Variants in ARMC8 observed in about 807,000 individuals in gnomAD.
The protein encoded by ARMC8 is armadillo repeat-containing protein 8.
A neutral mutation model predicts 99.3 loss-of-function variants in ARMC8; 20 were observed. The observed-to-expected ratio is 0.20, with a 90% CI of 0.14 to 0.29. The LOEUF (loss-of-function observed/expected upper bound fraction) is 0.29, where lower values mean the gene tolerates loss of function less well. Ranked by LOEUF, ARMC8 falls within the 10% of genes least tolerant of loss-of-function variation. The pLI is 1.00. For missense variants in ARMC8, 569 were observed against 809.5 expected, an observed-to-expected ratio of 0.70 and a Z score of 3.60; for synonymous variants, 263 against 278.3, an observed-to-expected ratio of 0.95 and a Z score of 0.55.
intron 2 of ARMC8, among the ~76,000 whole-genome samples, chr3:138,216,271 T>C (rs1186939469): frequency 6.6e-6 from 1 of 152,200 alleles, no homozygotes; most frequent in Non-Finnish European, 1.5e-5. Context: ...AATTCTGTTT[T>C]TTCAGTTTAT....
At chr3:138,210,117 C>T (rs527498024) in intron 2 of ARMC8, among the ~76,000 whole-genome samples, 158 of 152,188 alleles carry the variant, frequency 1.0e-3, no homozygotes, top group Non-Finnish European at 1.7e-3. Flanking sequence ...TTGTAGAATA[C>T]TTGTTTCACA....
chr3:138,266,351 C>T (rs1184469087), intron 14 of ARMC8, among the ~76,000 whole-genome samples: 2 of 152,088 alleles, frequency 1.3e-5, no homozygotes, highest in African/African-American at 2.4e-5. Flanking sequence ...TGGAGTGTGC[C>T]AGCTCCCACC....
chr3:138,272,583 A>G (rs1379563876), intron 16 of ARMC8, among the ~76,000 whole-genome samples: 1 of 152,234 alleles, frequency 6.6e-6, no homozygotes, highest in African/African-American at 2.4e-5. Flanking sequence ...TACTTTGAAA[A>G]TTATCAGAGT....
intron 12 of ARMC8, among the ~76,000 whole-genome samples, chr3:138,257,862 C>T (rs1242162645): frequency 6.6e-6 from 1 of 152,100 alleles, no homozygotes; most frequent in Non-Finnish European, 1.5e-5. Context: ...TCCCTGACCT[C>T]CTTGTGCTGC....
At chr3:138,195,811 G>C (rs2043697131) in intron 1 of ARMC8, among the ~76,000 whole-genome samples, 3 of 150,804 alleles carry the variant, frequency 2.0e-5, no homozygotes, top group Non-Finnish European at 2.9e-5. Context: ...GCAAATAAGA[G>C]CAGTTTTACA....
intron 21 of ARMC8, among the ~76,000 whole-genome samples, 195 bp downstream of exon 21, chr3:138,290,834 T>C (rs1292101975): frequency 2.0e-5 from 3 of 152,254 alleles, no homozygotes; most frequent in Non-Finnish European, 4.4e-5. Flanking sequence ...TATTAAAGAC[T>C]CTCATCTTAT....
At chr3:138,278,053 C>G (rs2049479904) in intron 18 of ARMC8, among the ~76,000 whole-genome samples, 1 of 152,042 alleles carries the variant, frequency 6.6e-6, no homozygotes. Context: ...CTGTAAAAGA[C>G]AAAACAGTAG....
At chr3:138,198,279 G>A (rs1220279228) in intron 1 of ARMC8, among the ~76,000 whole-genome samples, 1 of 151,844 alleles carries the variant, frequency 6.6e-6, no homozygotes, top group Non-Finnish European at 1.5e-5. Context: ...TATGAAAAAA[G>A]AAACTCCCTC....
intron 19 of ARMC8, 55 bp from the exon 20 acceptor site, chr3:138,288,993 A>G (rs1368312873): frequency 2.8e-5 from 42 of 1,493,358 alleles, no homozygotes; most frequent in Non-Finnish European, 3.7e-5. Context: ...CCAAAAAAAA[A>G]TCTAAAATGA....
At chr3:138,285,881 A>T (rs1486641476) in intron 19 of ARMC8, among the ~76,000 whole-genome samples, 2 of 152,216 alleles carry the variant, frequency 1.3e-5, no homozygotes, top group African/African-American at 4.8e-5. Flanking sequence ...TCACTTAAAA[A>T]GTTTTCCTTA....
chr3:138,192,026 G>A (rs2043414401), intron 1 of ARMC8, among the ~76,000 whole-genome samples: 1 of 152,166 alleles, frequency 6.6e-6, no homozygotes, highest in Non-Finnish European at 1.5e-5. Context: ...TGCAATTGCA[G>A]GATCAGATGG....
At chr3:138,293,509 A>G (rs1423649320) in intron 21 of ARMC8, among the ~76,000 whole-genome samples, 1 of 152,140 alleles carries the variant, frequency 6.6e-6, no homozygotes, top group African/African-American at 2.4e-5. Context: ...AGTGCACTCC[A>G]GCCTAGGCAA....
rs367691989 is a variant in ARMC8, at chr3:138,284,574, T to A, written c.1821+48T>A. 1.5e-5 allele frequency: 20 copies of A among 1,358,510 alleles called. No individual in the cohort carries two copies. The African/African-American group carries it at 2.9e-4, about 20-fold the overall frequency. 84.2% of individuals were successfully genotyped at this position (1,358,510 alleles called of 1,614,324 possible). A position where few individuals can be genotyped will look rare whatever the true frequency, so the allele number is the denominator to read the frequency against. On this transcript the variant is annotated intron_variant, in intron 19 of 21. Coordinates refer to ENST00000469044, the MANE Select transcript of ARMC8 (RefSeq NM_001363941.2). The stretch of plus-strand genomic sequence containing the variant: ...CGTAGGATTAGAATGCAGGGACTGT[T>A]GCATTTTTAACTCAAAATAAATTGT...
chr3:138,244,963 A>T, intron 11 of ARMC8, 125 bp from the exon 12 acceptor site: 1 of 1,133,972 alleles, frequency 8.8e-7, no homozygotes, highest in Non-Finnish European at 1.2e-6. Flanking sequence ...TGGGAAATGT[A>T]GTTAATGACT....
chr3:138,214,329 G>A (rs1425154986), intron 2 of ARMC8, among the ~76,000 whole-genome samples: 1 of 151,940 alleles, frequency 6.6e-6, no homozygotes, highest in Non-Finnish European at 1.5e-5. Flanking sequence ...GGCACTTGTG[G>A]ATGCTGCAGA....
Position 138,200,181 on chromosome 3 carries a change from A to G in ARMC8, c.46-9636A>G, listed in dbSNP as rs376104746. 1.2e-4 allele frequency among the ~76,000 whole-genome samples: 18 copies of G among 152,372 alleles called. No homozygotes were observed. The East Asian group carries it at 3.3e-3, about 28-fold the overall frequency. On this transcript the variant is annotated intron_variant, in intron 1 of 21. Coordinates refer to ENST00000469044, the MANE Select transcript of ARMC8 (RefSeq NM_001363941.2). ...AGCTGTAATAAAGGAGAAAGGCATG[A>G]AGCTAATTTATAACATCATTTAAAC... is the stretch of plus-strand genomic sequence containing the variant.
Position 138,297,671 on chromosome 3 carries a change from C to T in ARMC8, c.*1779C>T, listed in dbSNP as rs1228812187. On this transcript the variant is annotated 3_prime_UTR_variant, in exon 22 of 22. Transcript: ENST00000469044. ...CCAAGTTACTATTTTTTCAGAACAT[C>T]ACCGATTTTAAAATCTGTCACAACA... The T allele has an allele frequency of 6.6e-6, 1 of 152,156 alleles. No individual in the cohort carries two copies. The highest frequency in any genetic ancestry group is 1.5e-5 in the Non-Finnish European group (1 of 68,028). 9.4% of individuals were successfully genotyped at this position (152,156 alleles called of 1,614,324 possible).
chr3:138,272,839 A>T, intron 16 of ARMC8, 128 bp from the exon 17 acceptor site: 10 of 835,382 alleles, frequency 1.2e-5, no homozygotes, highest in South Asian at 2.9e-5. Flanking sequence ...GCCACTGCAC[A>T]CCAGCCTGGG....
At chr3:138,204,285 C>T (rs781064544) in intron 1 of ARMC8, among the ~76,000 whole-genome samples, 31 of 152,176 alleles carry the variant, frequency 2.0e-4, no homozygotes, top group Admixed American at 5.2e-4. Flanking sequence ...ATTGTACTTA[C>T]ACATGCTCTA....
Sources: allele counts gnomAD v4.1 joint callset (sites outside exome capture counted in the v4.1 genomes callset), GRCh38; gene constraint gnomAD v4.1.1; transcripts MANE v1.5; gene names NCBI Gene and HGNC (gene_info 2026-07-23, HGNC 2026-07-21).